TOP3A: variants seen among roughly 807,000 people sequenced by gnomAD.
TOP3A encodes the protein DNA topoisomerase III alpha, also known as DNA topoisomerase 3-alpha.
In TOP3A, 64 loss-of-function variants were observed where a neutral mutation model predicts 111.3. The ratio of observed to expected loss-of-function variants is 0.57; its 90% confidence interval spans 0.47 to 0.71. The LOEUF (loss-of-function observed/expected upper bound fraction) is 0.71. Among genes scored for constraint, TOP3A ranks in the 30% least tolerant of loss-of-function variants. The probability of loss-of-function intolerance (pLI) is 0.00; values close to 1 mark genes in which losing one functional copy is unlikely to be tolerated. For missense variants in TOP3A, 1,104 were observed against 1,285.0 expected (o/e 0.86, Z 2.15); for synonymous variants, 484 against 485.1 (o/e 1.00, Z 0.03).
At chr17:18,300,842 T>TGA (rs896793574) in intron 8 of TOP3A, among the ~76,000 whole-genome samples, 7 of 151,176 alleles carry the variant, frequency 4.6e-5, no homozygotes, top group Non-Finnish European at 7.4e-5. Context: ...AAGGGTGGAG[T>TGA]GAGAGAGAGA....
Position 18,285,483 on chromosome 17 carries a change from G to C in TOP3A, c.1635C>G (p.Ile545Met), listed in dbSNP as rs1005860888. 1 of 1,613,990 alleles carries C rather than the reference G, an allele frequency of 6.2e-7. No homozygotes were observed. The highest frequency in any genetic ancestry group is 1.3e-5 in the African/African-American group (1 of 74,898). The change falls in exon 14 of 19, where the codon ATC becomes ATG. Residue 545 changes from isoleucine (I) to methionine (M), a missense_variant. By Grantham distance (10) the Ile-to-Met change is conservative. Coordinates refer to ENST00000321105, the MANE Select transcript of TOP3A (RefSeq NM_004618.5). ...DATHAEHIET[I>M]KARMYVGLTP... is the part of the protein sequence containing the mutation. Reference sequence around the variant, plus strand: ...TGAGGCCCACGTACATCCGGGCTTTGATGGTCTCGATGTGCTCCGCATGAG... The same window carrying C: ...TGAGGCCCACGTACATCCGGGCTTTCATGGTCTCGATGTGCTCCGCATGAG...
At chr17:18,291,688 G>T (rs968453619) in intron 11 of TOP3A, among the ~76,000 whole-genome samples, 1 of 151,890 alleles carries the variant, frequency 6.6e-6, no homozygotes, top group Non-Finnish European at 1.5e-5. Flanking sequence ...ATAAACTTTT[G>T]TATTTCTTAA....
intron 8 of TOP3A, among the ~76,000 whole-genome samples, chr17:18,301,417 G>A (rs989485680): frequency 6.6e-5 from 10 of 151,518 alleles, no homozygotes; most frequent in Non-Finnish European, 1.2e-4. Flanking sequence ...CTGTCCCTCC[G>A]GCCTTTCTCT....
chr17:18,314,769 G>A lies in TOP3A; in HGVS notation c.10C>T (p.Pro4Ser), dbSNP rs998781924. ...CACCGGAGCGCGTAGCGGGCGACAG[G>A]AAAGATCATCCTCAGACCTCGCGCC... MIF[P>S]VARYALRWLR... Residue 4 changes from proline (P) to serine (S), a missense_variant, in exon 1 of 19, where the codon CCT becomes TCT. Transcript: ENST00000321105. The A allele has an allele frequency of 1.3e-6, 2 of 1,550,068 alleles. No homozygotes were observed. The highest frequency in any genetic ancestry group is 2.5e-5 in the East Asian group (1 of 40,720).
At chr17:18,311,158 G>A (rs1981887273) in intron 1 of TOP3A, among the ~76,000 whole-genome samples, 1 of 150,118 alleles carries the variant, frequency 6.7e-6, no homozygotes, top group Admixed American at 6.7e-5. Context: ...CTGCCAGCAT[G>A]CCCGGCTAAT....
At chr17:18,298,087 A>G (rs1980954658) in intron 9 of TOP3A, among the ~76,000 whole-genome samples, 1 of 147,398 alleles carries the variant, frequency 6.8e-6, no homozygotes, top group South Asian at 2.1e-4. Flanking sequence ...CCCGTCTGGG[A>G]TGTGAGGAGC....
intron 9 of TOP3A, among the ~76,000 whole-genome samples, chr17:18,298,136 C>G (rs34132508): frequency 4.2e-4 from 63 of 150,386 alleles, no homozygotes; most frequent in African/African-American, 1.6e-3. Context: ...GTGAGGAGAC[C>G]CTCTGCCTGG....
chr17:18,271,654 CTT>C lies in TOP3A; in HGVS notation c.*3146_*3147del. On this transcript the variant is annotated 3_prime_UTR_variant, in exon 19 of 19. Transcript: ENST00000321105. ...TGGTGCAGCCCAATCCTGCAGTTTG[CTT>C]TTGAGACACACAGTTGCCTGCAGAG... The C allele has an allele frequency of 3.1e-6, 1 of 322,112 alleles. No homozygotes were observed. Among genetic ancestry groups the C allele is most frequent in the Non-Finnish European group, 6.0e-6 (1 of 166,718 alleles). 20.0% of individuals were successfully genotyped at this position (322,112 alleles called of 1,614,324 possible).
chr17:18,299,929 T>C (rs1338013406), intron 8 of TOP3A, among the ~76,000 whole-genome samples: 1 of 152,212 alleles, frequency 6.6e-6, no homozygotes, highest in Non-Finnish European at 1.5e-5. Context: ...TACAGTTTTC[T>C]ATGTACACGT....
chr17:18,275,944 C>T (rs1979341937), intron 18 of TOP3A, among the ~76,000 whole-genome samples: 1 of 152,198 alleles, frequency 6.6e-6, no homozygotes, highest in Admixed American at 6.5e-5. Flanking sequence ...CATGAGCCAC[C>T]GCGCCCGACC....
chr17:18,297,880 G>A (rs997249676), intron 9 of TOP3A, among the ~76,000 whole-genome samples: 4 of 151,918 alleles, frequency 2.6e-5, no homozygotes, highest in African/African-American at 4.8e-5. Context: ...CTGCCCAGCC[G>A]CCCATCGTCT....
chr17:18,295,926 C>T (rs1040936988), intron 9 of TOP3A, among the ~76,000 whole-genome samples: 5 of 151,772 alleles, frequency 3.3e-5, no homozygotes, highest in African/African-American at 1.2e-4. Context: ...TGCCACCACG[C>T]CTGGCTGATT....
chr17:18,291,136 C>G, intron 11 of TOP3A, 109 bp from the exon 12 acceptor site: 2 of 1,113,328 alleles, frequency 1.8e-6, no homozygotes, highest in Non-Finnish European at 1.3e-6. Context: ...GGCCACACTG[C>G]TCCTCAGGCC....
At position 18,282,782 on chromosome 17, in the gene TOP3A, T is replaced by C. The variant is rs1355249953; in HGVS notation, c.1937A>G (p.Asp646Gly). The change falls in exon 16 of 19, where the codon GAT (aspartate) becomes GGT (glycine). Residue 646 changes from aspartate (D) to glycine (G), a missense_variant. Physicochemically the swap from Asp to Gly is moderately conservative, Grantham distance 94 (BLOSUM62 -1). Transcript: ENST00000321105. ...GNGTELAQQE[D>G]IYPAMPEPIR... Reference sequence around the variant, plus strand: ...GGGCTCTGGCATGGCTGGGTAGATATCTTCTTGCTGGGCCAACTCTGTCCC... The same window carrying C: ...GGGCTCTGGCATGGCTGGGTAGATACCTTCTTGCTGGGCCAACTCTGTCCC... 3 of 1,614,074 alleles carry C rather than the reference T, an allele frequency of 1.9e-6. No individual in the cohort carries two copies. The highest frequency in any genetic ancestry group is 2.5e-6 in the Non-Finnish European group (3 of 1,180,048).
intron 9 of TOP3A, among the ~76,000 whole-genome samples, chr17:18,297,477 C>A (rs1468158961): frequency 6.6e-6 from 1 of 151,856 alleles, no homozygotes; most frequent in African/African-American, 2.4e-5. Flanking sequence ...CTCCCTCTCT[C>A]CACGGTCTCC....
At chr17:18,311,625 A>G (rs1981918138) in intron 1 of TOP3A, among the ~76,000 whole-genome samples, 1 of 152,240 alleles carries the variant, frequency 6.6e-6, no homozygotes, top group Admixed American at 6.5e-5. Flanking sequence ...AGTTTCCTGC[A>G]TTCCAGACAC....
rs1247902522 is a variant in TOP3A, at chr17:18,273,438, TCA to T, written c.*1362_*1363del. ...TCTGTGGGGTGAGAAGAAATTGGGCTCAGTGCTTACCATGTGGAAAGGGAGGA... is the reference window on the plus strand; with the variant it reads ...TCTGTGGGGTGAGAAGAAATTGGGCTGTGCTTACCATGTGGAAAGGGAGGA... On this transcript the variant is annotated 3_prime_UTR_variant, in exon 19 of 19. Coordinates refer to ENST00000321105, the MANE Select transcript of TOP3A (RefSeq NM_004618.5). 5 of 152,206 alleles carry T rather than the reference TCA, an allele frequency of 3.3e-5. No homozygotes were observed. Among genetic ancestry groups the T allele is most frequent in the African/African-American group, 1.2e-4 (5 of 41,424 alleles). 9.4% of individuals were successfully genotyped at this position (152,206 alleles called of 1,614,324 possible). A position where few individuals can be genotyped will look rare whatever the true frequency, so the allele number is the denominator to read the frequency against.
In TOP3A at chr17:18,277,693, C is replaced by T. The variant is rs755462826; in HGVS notation, c.2809G>A (p.Asp937Asn). ...EQQCGFFQWVDENTAPGTSGA... is the reference protein window; with the variant it reads ...EQQCGFFQWVNENTAPGTSGA... Reference sequence around the variant, plus strand: ...GCCTCACCTGGAGCGGTGTTCTCATCGACCCACTGGAAAAAGCCACACTGC... The same window carrying T: ...GCCTCACCTGGAGCGGTGTTCTCATTGACCCACTGGAAAAAGCCACACTGC... Residue 937 changes from aspartate to asparagine, a missense_variant, in exon 18 of 19, where the codon GAT becomes AAT. Coordinates refer to ENST00000321105, the MANE Select transcript of TOP3A (RefSeq NM_004618.5). 24 of 1,609,724 alleles carry T rather than the reference C, an allele frequency of 1.5e-5. No homozygotes were observed. The highest frequency in any genetic ancestry group is 1.8e-5 in the Non-Finnish European group (21 of 1,176,554).
intron 1 of TOP3A, chr17:18,312,845 G>A (rs527745987): frequency 2.5e-5 from 4 of 161,558 alleles, no homozygotes; most frequent in Admixed American, 6.0e-5. Context: ...AGCTGGGCAC[G>A]GTGGCTCACG....
Sources: gnomAD v4.1 joint callset for allele counts (sites outside exome capture counted in the v4.1 genomes callset) on GRCh38, gnomAD v4.1.1 for gene constraint, MANE v1.5 for transcripts, NCBI Gene and HGNC (gene_info 2026-07-23, HGNC 2026-07-21) for gene names.